Variants in EIF5A2 observed in about 807,000 individuals in gnomAD.
EIF5A2 encodes eukaryotic translation initiation factor 5A2, also known as eukaryotic translation initiation factor 5A-2.
EIF5A2 carries 15 observed loss-of-function variants against 16.4 expected under a neutral mutation model. That is an observed-to-expected ratio of 0.92 (90% CI 0.61 to 1.41). The LOEUF is 1.41. Among genes scored for constraint, EIF5A2 ranks in the 40% most tolerant of loss-of-function variants. The pLI is 0.00. For synonymous variants in EIF5A2, 48 were observed against 61.1 expected, an observed-to-expected ratio of 0.79 and a Z score of 1.00; for missense variants, 144 against 189.5, an observed-to-expected ratio of 0.76 and a Z score of 1.41.
chr3:170,894,207 C>T, intron 4 of EIF5A2, 85 bp downstream of exon 4: 1 of 1,425,194 alleles, frequency 7.0e-7, no homozygotes. Context: ...AAACCACATT[C>T]CATATGTAGT....
At chr3:170,894,058 G>T (rs1198053847) in intron 4 of EIF5A2, among the ~76,000 whole-genome samples, 1 of 151,712 alleles carries the variant, frequency 6.6e-6, no homozygotes, top group East Asian at 1.9e-4. Context: ...CAGGTGCAGA[G>T]CTTCAAAACA....
In EIF5A2 at chr3:170,893,506, G is replaced by T. The variant is rs1712585229; in HGVS notation, c.403-87C>A. ...AGTTCCTCATATATTGTATATTTGT[G>T]GATATTTTGTACATATGGACTTCTG... On this transcript the variant is annotated intron_variant, in intron 4 of 4. Coordinates refer to ENST00000295822, the MANE Select transcript of EIF5A2 (RefSeq NM_020390.6). 1.7e-5 allele frequency: 24 copies of T among 1,416,314 alleles called. No homozygotes were observed. In the South Asian group the frequency reaches 3.1e-4, roughly 18 times the overall value. 87.7% of individuals were successfully genotyped at this position (1,416,314 alleles called of 1,614,324 possible). A position where few individuals can be genotyped will look rare whatever the true frequency, so the allele number is the denominator to read the frequency against.
At chr3:170,893,490 T>C in intron 4 of EIF5A2, 71 bp from the exon 5 acceptor site, 2 of 1,484,646 alleles carry the variant, frequency 1.3e-6, no homozygotes, top group Non-Finnish European at 1.9e-6. Context: ...TAGTTCCTCA[T>C]ATATTGTATA....
In EIF5A2 at chr3:170,889,048, CTTTTTTTTTTTT is replaced by C. The variant is rs67417067; in HGVS notation, c.*4300_*4311del. The C allele has an allele frequency of 4.2e-5, 4 of 96,188 alleles. No individual in the cohort carries two copies. The highest frequency in any genetic ancestry group is 1.6e-4 in the African/African-American group (4 of 24,294). The allele number at this position is 96,188 out of a possible 1,614,324, so 6.0% of individuals were successfully genotyped here. ...ACTTCATATAAATACAATAACCTGTCTTTTTTTTTTTTTTTTTTTTTTTGTAAAATAGGTTTC... is the reference window on the plus strand; with the variant it reads ...ACTTCATATAAATACAATAACCTGTCTTTTTTTTTTTGTAAAATAGGTTTC... On this transcript the variant is annotated 3_prime_UTR_variant, in exon 5 of 5. Coordinates refer to ENST00000295822, the MANE Select transcript of EIF5A2 (RefSeq NM_020390.6).
intron 3 of EIF5A2, among the ~76,000 whole-genome samples, chr3:170,905,877 C>T (rs1712922948): frequency 6.6e-6 from 1 of 151,866 alleles, no homozygotes; most frequent in Non-Finnish European, 1.5e-5. Context: ...AGATCCAAAC[C>T]CAGATCTACC....
At chr3:170,897,951 T>A (rs746917017) in intron 3 of EIF5A2, among the ~76,000 whole-genome samples, 4 of 152,204 alleles carry the variant, frequency 2.6e-5, no homozygotes, top group Non-Finnish European at 4.4e-5. Flanking sequence ...GCCTACCTTT[T>A]GGATCAGTGT....
Position 170,893,273 on chromosome 3 carries a change from A to G in EIF5A2, c.*87T>C. ...AAAAAAAGAAATGAGGTTGCTTATGAAGGCTATAGCTTTGGTGACAACTTA... is the reference window on the plus strand; with the variant it reads ...AAAAAAAGAAATGAGGTTGCTTATGGAGGCTATAGCTTTGGTGACAACTTA... On this transcript the variant is annotated 3_prime_UTR_variant, in exon 5 of 5. Coordinates refer to ENST00000295822, the MANE Select transcript of EIF5A2 (RefSeq NM_020390.6). The G allele has an allele frequency of 7.5e-7, 1 of 1,329,630 alleles. No individual in the cohort carries two copies. The highest frequency in any genetic ancestry group is 1.5e-5 in the South Asian group (1 of 66,382). The allele number at this position is 1,329,630 out of a possible 1,614,324, so 82.4% of individuals were successfully genotyped here.
chr3:170,899,759 C>T (rs900865825), intron 3 of EIF5A2, among the ~76,000 whole-genome samples: 2 of 151,382 alleles, frequency 1.3e-5, no homozygotes, highest in Non-Finnish European at 2.9e-5. Context: ...ACAGTGTCAT[C>T]GTCAAGTCCC....
chr3:170,897,609 A>G (rs1367107558), intron 3 of EIF5A2, among the ~76,000 whole-genome samples: 1 of 152,166 alleles, frequency 6.6e-6, no homozygotes, highest in Non-Finnish European at 1.5e-5. Context: ...AGAAGGCAAG[A>G]GTTGAGGTTT....
intron 3 of EIF5A2, among the ~76,000 whole-genome samples, chr3:170,904,404 A>C (rs1712882606): frequency 6.6e-6 from 1 of 152,258 alleles, no homozygotes; most frequent in South Asian, 2.1e-4. Context: ...AAAGGATTAC[A>C]CACGCCAAAT....
intron 3 of EIF5A2, 97 bp downstream of exon 3, chr3:170,906,892 C>T (rs1712948826): frequency 1.4e-6 from 1 of 722,258 alleles, no homozygotes; most frequent in African/African-American, 1.8e-5. Context: ...GAAAAACCTA[C>T]AAAACTACTC....
At chr3:170,902,726 A>G (rs1042961183) in intron 3 of EIF5A2, among the ~76,000 whole-genome samples, 2 of 149,298 alleles carry the variant, frequency 1.3e-5, no homozygotes, top group African/African-American at 5.0e-5. Flanking sequence ...CTCCTGCCTT[A>G]GCCTCCTGAG....
In EIF5A2 at chr3:170,892,427, T is replaced by TC. The variant is rs1354210717; in HGVS notation, c.*932dup. ...CTGGCTGATGGAGTGAGACTCAGTC[T>TC]CAAAAAAAAAAAAAAAAAAAAGGAA... On this transcript the variant is annotated 3_prime_UTR_variant, in exon 5 of 5. Coordinates refer to ENST00000295822, the MANE Select transcript of EIF5A2 (RefSeq NM_020390.6). The TC allele has an allele frequency of 5.4e-5, 4 of 74,142 alleles. No homozygotes were observed. Among genetic ancestry groups the TC allele is most frequent in the African/African-American group, 4.3e-4 (4 of 9,274 alleles). 4.6% of individuals were successfully genotyped at this position (74,142 alleles called of 1,614,324 possible).
In EIF5A2 at chr3:170,891,443, TC is replaced by T. The variant is rs1052514254; in HGVS notation, c.*1916del. The T allele has an allele frequency of 6.6e-6, 1 of 152,644 alleles. No individual in the cohort carries two copies. The highest frequency in any genetic ancestry group is 2.4e-5 in the African/African-American group (1 of 41,464). The allele number at this position is 152,644 out of a possible 1,614,324, so 9.5% of individuals were successfully genotyped here. A position where few individuals can be genotyped will look rare whatever the true frequency, so the allele number is the denominator to read the frequency against. On this transcript the variant is annotated 3_prime_UTR_variant, in exon 5 of 5. Transcript: ENST00000295822. ...CACTATTTCTTGTGCTTTAGAAATT[TC>T]CTTTGTATTTCTCTTAAAGTATCTT...
intron 3 of EIF5A2, among the ~76,000 whole-genome samples, chr3:170,903,671 A>G (rs140386135): frequency 3.9e-5 from 6 of 152,334 alleles, no homozygotes; most frequent in African/African-American, 1.4e-4. Context: ...GGTAAAAATT[A>G]TAAAAAGACT....
chr3:170,898,411 T>G (rs919771964), intron 3 of EIF5A2, among the ~76,000 whole-genome samples: 14 of 152,208 alleles, frequency 9.2e-5, no homozygotes, highest in African/African-American at 3.1e-4. Flanking sequence ...AGGAGGTGAT[T>G]GGATCATGGG....
In EIF5A2 at chr3:170,894,414, T is replaced by C; in HGVS notation, c.280A>G (p.Ile94Val). 1 of 1,613,964 alleles carries C rather than the reference T, an allele frequency of 6.2e-7. No homozygotes were observed. Among genetic ancestry groups the C allele is most frequent in the African/African-American group, 1.3e-5 (1 of 75,052 alleles). The part of the protein sequence containing the change: ...IKRNDYQLIC[I>V]QDGYLSLLTE... The stretch of plus-strand genomic sequence containing the variant: ...AGCAGGGAAAGGTAACCATCTTGAA[T>C]GCATATCAGCTATTAGAAGAAATTA... The change falls in exon 4 of 5, where the codon ATT (isoleucine) becomes GTT (valine). Residue 94 changes from isoleucine (I) to valine (V), a missense_variant. Physicochemically the swap from Ile to Val is conservative, Grantham distance 29 (BLOSUM62 3). Transcript: ENST00000295822.
At chr3:170,906,098 T>C (rs965444129) in intron 3 of EIF5A2, among the ~76,000 whole-genome samples, 5 of 152,052 alleles carry the variant, frequency 3.3e-5, no homozygotes, top group African/African-American at 7.2e-5. Context: ...ATTTATACAA[T>C]ACAACAAAGG....
intron 3 of EIF5A2, among the ~76,000 whole-genome samples, chr3:170,902,579 T>G (rs540972757): frequency 6.6e-6 from 1 of 150,972 alleles, no homozygotes; most frequent in African/African-American, 2.4e-5. Context: ...AATTTTTGTA[T>G]TTTTTGTAGA....
Sources: gnomAD v4.1 joint callset for allele counts (sites outside exome capture counted in the v4.1 genomes callset) on GRCh38, gnomAD v4.1.1 for gene constraint, MANE v1.5 for transcripts, NCBI Gene and HGNC (gene_info 2026-07-23, HGNC 2026-07-21) for gene names.